RAPGEF4: variants seen among roughly 807,000 people sequenced by gnomAD.
The protein encoded by RAPGEF4 is Rap guanine nucleotide exchange factor 4.
In RAPGEF4, 66 loss-of-function variants were observed where a neutral mutation model predicts 147.9. The ratio of observed to expected loss-of-function variants is 0.45; its 90% CI spans 0.37 to 0.55. The LOEUF is 0.55. Ranked by LOEUF, RAPGEF4 falls within the 20% of genes least tolerant of loss-of-function variation. The probability of loss-of-function intolerance (pLI) is 0.00; values close to 1 mark genes in which losing one functional copy is unlikely to be tolerated. For synonymous variants in RAPGEF4, 419 were observed against 442.7 expected, an observed-to-expected ratio of 0.95 and a Z score of 0.67; for missense variants, 1,071 against 1,257.3, an observed-to-expected ratio of 0.85 and a Z score of 2.24.
intron 4 of RAPGEF4, among the ~76,000 whole-genome samples, chr2:172,816,224 A>G (rs1688488678): frequency 6.6e-6 from 1 of 151,986 alleles, no homozygotes. Context: ...ATAACGAGCC[A>G]TGTCTTACAT....
chr2:172,739,328 C>CT lies in RAPGEF4; in HGVS notation c.65+3292dup, dbSNP rs551112130. On this transcript the variant is annotated intron_variant, in intron 1 of 30. Transcript: ENST00000397081. Reference sequence around the variant, plus strand: ...ACTTAAGATAGGTAAAATGTCCTTTCTTTTTTTTTTTTAAGTGTGCTGACC... The same window carrying CT: ...ACTTAAGATAGGTAAAATGTCCTTTCTTTTTTTTTTTTTAAGTGTGCTGACC... Among the ~76,000 whole-genome samples, 53 of 143,840 alleles carry CT rather than the reference C, an allele frequency of 3.7e-4. 1 individual carries two copies. Among genetic ancestry groups the CT allele is most frequent in the East Asian group, 1.6e-3 (8 of 4,928 alleles). The allele number at this position is 143,840 out of a possible 152,430, so 94.4% of individuals were successfully genotyped here. A position where few individuals can be genotyped will look rare whatever the true frequency, so the allele number is the denominator to read the frequency against.
intron 4 of RAPGEF4, among the ~76,000 whole-genome samples, chr2:172,878,198 T>C (rs941730916): frequency 6.6e-6 from 1 of 152,214 alleles, no homozygotes; most frequent in Non-Finnish European, 1.5e-5. Context: ...ATGCTGTGGT[T>C]ATTCTTCCTC....
intron 19 of RAPGEF4, among the ~76,000 whole-genome samples, 193 bp downstream of exon 19, chr2:173,016,630 G>A (rs1695534264): frequency 6.6e-6 from 1 of 152,196 alleles, no homozygotes; most frequent in African/African-American, 2.4e-5. Context: ...TGTTCATTCT[G>A]TGCTAGAGGG....
intron 1 of RAPGEF4, among the ~76,000 whole-genome samples, chr2:172,774,381 A>G (rs750772388): frequency 2.4e-4 from 37 of 152,186 alleles, no homozygotes; most frequent in Non-Finnish European, 4.1e-4. Flanking sequence ...TGCTGCCCCA[A>G]TTGGGTCCCA....
intron 1 of RAPGEF4, among the ~76,000 whole-genome samples, chr2:172,769,781 A>G (rs187676981): frequency 1.4e-3 from 214 of 152,324 alleles, no homozygotes; most frequent in African/African-American, 4.9e-3. Flanking sequence ...ATTTTAAAAT[A>G]TAAGTATGTT....
At chr2:172,825,819 G>A (rs1327857675) in intron 4 of RAPGEF4, among the ~76,000 whole-genome samples, 1 of 152,086 alleles carries the variant, frequency 6.6e-6, no homozygotes, top group Non-Finnish European at 1.5e-5. Context: ...ATTTATAGTG[G>A]ATTTGGAAAA....
intron 3 of RAPGEF4, among the ~76,000 whole-genome samples, chr2:172,802,965 G>A (rs146105295): frequency 6.6e-6 from 1 of 152,316 alleles, no homozygotes; most frequent in South Asian, 2.1e-4. Flanking sequence ...TCATGCTGAC[G>A]CAAGAGGTGG....
At chr2:172,754,995 A>G (rs1055399314) in intron 1 of RAPGEF4, among the ~76,000 whole-genome samples, 1 of 152,140 alleles carries the variant, frequency 6.6e-6, no homozygotes, top group African/African-American at 2.4e-5. Flanking sequence ...GTGAGCCAAG[A>G]TCACACCACT....
At chr2:173,043,088 T>C (rs183821425) in intron 29 of RAPGEF4, among the ~76,000 whole-genome samples, 46 of 152,198 alleles carry the variant, frequency 3.0e-4, no homozygotes, top group African/African-American at 1.0e-3. Context: ...GGTGAGACAC[T>C]GTGTATTTCT....
chr2:172,926,559 TG>T (rs1406830993), intron 6 of RAPGEF4, among the ~76,000 whole-genome samples: 5 of 151,992 alleles, frequency 3.3e-5, no homozygotes, highest in African/African-American at 1.2e-4. Context: ...GTGAGTTTTT[TG>T]TTTGTTTATT....
At chr2:172,980,828 G>A (rs746310732) in intron 10 of RAPGEF4, among the ~76,000 whole-genome samples, 4 of 152,110 alleles carry the variant, frequency 2.6e-5, no homozygotes, top group Non-Finnish European at 5.9e-5. Flanking sequence ...TTATGTATGT[G>A]TGTGCAGAAG....
At chr2:172,828,963 C>T (rs1689988667) in intron 4 of RAPGEF4, among the ~76,000 whole-genome samples, 1 of 152,186 alleles carries the variant, frequency 6.6e-6, no homozygotes, top group African/African-American at 2.4e-5. Flanking sequence ...GAGAAAGTGA[C>T]TCTAGGAAAG....
At chr2:172,757,698 T>C (rs1321279636) in intron 1 of RAPGEF4, among the ~76,000 whole-genome samples, 3 of 152,266 alleles carry the variant, frequency 2.0e-5, no homozygotes, top group Non-Finnish European at 4.4e-5. Flanking sequence ...ATTTGGGGCC[T>C]TGATTTTGGT....
chr2:172,928,539 T>C (rs907557310), intron 6 of RAPGEF4, among the ~76,000 whole-genome samples: 1 of 152,210 alleles, frequency 6.6e-6, no homozygotes, highest in African/African-American at 2.4e-5. Flanking sequence ...GGAGATGTAT[T>C]GGGGTGATGA....
intron 4 of RAPGEF4, among the ~76,000 whole-genome samples, chr2:172,852,805 AG>A (rs1693006383): frequency 1.3e-5 from 2 of 152,076 alleles, no homozygotes; most frequent in South Asian, 4.1e-4. Context: ...TAATTTGATG[AG>A]AGTTTTTTTA....
intron 29 of RAPGEF4, among the ~76,000 whole-genome samples, chr2:173,039,969 C>A (rs948758750): frequency 6.6e-6 from 1 of 152,028 alleles, no homozygotes; most frequent in Non-Finnish European, 1.5e-5. Context: ...GTGGGCAGAT[C>A]GCCTGAGGTC....
chr2:172,851,070 C>T (rs754476103), intron 4 of RAPGEF4, among the ~76,000 whole-genome samples: 14 of 152,170 alleles, frequency 9.2e-5, no homozygotes, highest in Non-Finnish European at 1.6e-4. Flanking sequence ...CATTTTGTTA[C>T]GAGTGTTTAG....
At chr2:172,811,384 A>T (rs1217749152) in intron 3 of RAPGEF4, among the ~76,000 whole-genome samples, 2 of 152,228 alleles carry the variant, frequency 1.3e-5, no homozygotes, top group Non-Finnish European at 2.9e-5. Context: ...CAATCTTATC[A>T]CAAAATAGGA....
chr2:173,017,024 A>T (rs1017008266), intron 19 of RAPGEF4, 150 bp from the exon 20 acceptor site: 3 of 723,982 alleles, frequency 4.1e-6, no homozygotes, highest in Non-Finnish European at 7.0e-6. Context: ...GCTTTGATCT[A>T]TTACTATTAA....
Sources: allele counts gnomAD v4.1 joint callset (sites outside exome capture counted in the v4.1 genomes callset), GRCh38; gene constraint gnomAD v4.1.1; transcripts MANE v1.5; gene names NCBI Gene and HGNC (gene_info 2026-07-23, HGNC 2026-07-21).